The following PCDH9 variants were observed in gnomAD, a reference collection of about 807,000 sequenced individuals.
PCDH9 encodes the protein protocadherin-9.
In PCDH9, 24 loss-of-function variants were observed where a neutral mutation model predicts 70.6. The ratio of observed to expected loss-of-function variants is 0.34; its 90% CI spans 0.25 to 0.48. The LOEUF (loss-of-function observed/expected upper bound fraction) is 0.48. PCDH9 is among the 20% of genes least tolerant of loss of function. PCDH9 has a pLI of 0.99. For missense variants in PCDH9, 1,281 were observed against 1,503.6 expected, an observed-to-expected ratio of 0.85 and a Z score of 2.45; for synonymous variants, 562 against 558.5, an observed-to-expected ratio of 1.01 and a Z score of -0.09.
At chr13:66,684,304 A>G (rs1022406241) in intron 3 of PCDH9, among the ~76,000 whole-genome samples, 6 of 152,162 alleles carry the variant, frequency 3.9e-5, no homozygotes, top group African/African-American at 1.2e-4. Flanking sequence ...TCTGATCGCT[A>G]TAATCTTACT....
At chr13:66,988,309 C>T (rs189632096) in intron 2 of PCDH9, among the ~76,000 whole-genome samples, 65 of 152,144 alleles carry the variant, frequency 4.3e-4, no homozygotes, top group Admixed American at 1.5e-3. Flanking sequence ...TCTTTTAACA[C>T]GTAGTCTGAT....
At chr13:67,042,475 T>G (rs974207668) in intron 2 of PCDH9, among the ~76,000 whole-genome samples, 2 of 151,818 alleles carry the variant, frequency 1.3e-5, no homozygotes, top group African/African-American at 4.8e-5. Flanking sequence ...AAACTAGAAA[T>G]CAAGATCTCA....
chr13:67,144,604 A>T (rs137870943), intron 2 of PCDH9, among the ~76,000 whole-genome samples: 9 of 152,296 alleles, frequency 5.9e-5, no homozygotes, highest in African/African-American at 2.2e-4. Context: ...AATGTCAAGG[A>T]TCCTAAATCC....
At chr13:66,426,052 A>G (rs1178480857) in intron 4 of PCDH9, among the ~76,000 whole-genome samples, 1 of 151,702 alleles carries the variant, frequency 6.6e-6, no homozygotes, top group Non-Finnish European at 1.5e-5. Flanking sequence ...AGAAGCCGAT[A>G]GGTACTGATA....
chr13:67,198,053 C>G (rs1023175186), intron 2 of PCDH9, among the ~76,000 whole-genome samples: 1 of 151,056 alleles, frequency 6.6e-6, no homozygotes, highest in African/African-American at 2.4e-5. Flanking sequence ...CTAAAAATAG[C>G]AAATAGAATA....
intron 3 of PCDH9, among the ~76,000 whole-genome samples, chr13:66,836,100 G>A (rs1017468877): frequency 6.6e-6 from 1 of 152,098 alleles, no homozygotes; most frequent in Non-Finnish European, 1.5e-5. Context: ...AAATAAAAAT[G>A]AGAAAAACAT....
At chr13:66,950,936 C>G (rs2083169121) in intron 2 of PCDH9, among the ~76,000 whole-genome samples, 1 of 150,886 alleles carries the variant, frequency 6.6e-6, no homozygotes. Flanking sequence ...AATTTTCTAT[C>G]AGATACATTT....
At chr13:67,166,711 G>C (rs1442315328) in intron 2 of PCDH9, among the ~76,000 whole-genome samples, 1 of 152,104 alleles carries the variant, frequency 6.6e-6, no homozygotes, top group Non-Finnish European at 1.5e-5. Context: ...TACGGTGGTA[G>C]TAAGAGAAAT....
chr13:66,954,253 T>C (rs1458361779), intron 2 of PCDH9, among the ~76,000 whole-genome samples: 1 of 152,260 alleles, frequency 6.6e-6, no homozygotes, highest in African/African-American at 2.4e-5. Context: ...GTGTACCATA[T>C]GTATAAATAC....
chr13:67,186,521 T>C (rs1371189088), intron 2 of PCDH9, among the ~76,000 whole-genome samples: 1 of 152,188 alleles, frequency 6.6e-6, no homozygotes, highest in East Asian at 1.9e-4. Flanking sequence ...ACCCAGCTAA[T>C]GCAAATGCTT....
intron 2 of PCDH9, among the ~76,000 whole-genome samples, chr13:67,027,257 G>T (rs1050123275): frequency 2.0e-5 from 3 of 152,018 alleles, no homozygotes; most frequent in Non-Finnish European, 4.4e-5. Flanking sequence ...CAGAAATAAC[G>T]CCGCATATCC....
At chr13:67,131,220 T>C (rs1419776629) in intron 2 of PCDH9, among the ~76,000 whole-genome samples, 10 of 152,168 alleles carry the variant, frequency 6.6e-5, no homozygotes, top group Admixed American at 6.5e-4. Context: ...AATTGGACTT[T>C]TAGTCCCCAA....
intron 2 of PCDH9, among the ~76,000 whole-genome samples, chr13:66,930,628 AT>A (rs1478472954): frequency 1.3e-5 from 2 of 152,136 alleles, no homozygotes; most frequent in African/African-American, 4.8e-5. Flanking sequence ...TCTATTAATG[AT>A]CATGGTCATT....
At chr13:66,442,071 G>A (rs1188123284) in intron 4 of PCDH9, among the ~76,000 whole-genome samples, 1 of 152,092 alleles carries the variant, frequency 6.6e-6, no homozygotes, top group Non-Finnish European at 1.5e-5. Flanking sequence ...TACAGGTAAT[G>A]TTTCCAACTA....
intron 3 of PCDH9, among the ~76,000 whole-genome samples, chr13:66,843,579 A>T (rs909356440): frequency 6.6e-6 from 1 of 152,250 alleles, no homozygotes; most frequent in African/African-American, 2.4e-5. Flanking sequence ...GCCAAGGACA[A>T]GCAAGGCCCA....
At chr13:66,705,852 A>C (rs895517459) in intron 3 of PCDH9, among the ~76,000 whole-genome samples, 1 of 152,240 alleles carries the variant, frequency 6.6e-6, no homozygotes, top group African/African-American at 2.4e-5. Flanking sequence ...ACTTAATTTT[A>C]CGTATCATAA....
At chr13:66,322,884 G>A (rs548951999) in intron 4 of PCDH9, among the ~76,000 whole-genome samples, 1 of 152,092 alleles carries the variant, frequency 6.6e-6, no homozygotes, top group East Asian at 1.9e-4. Flanking sequence ...TACAAAAAAA[G>A]TATGTTGTGG....
intron 2 of PCDH9, among the ~76,000 whole-genome samples, chr13:66,937,581 A>G (rs2082937481): frequency 6.6e-6 from 1 of 152,208 alleles, no homozygotes; most frequent in Admixed American, 6.5e-5. Flanking sequence ...CCGTACTTCC[A>G]TATTTGAGTC....
chr13:67,170,045 C>T (rs2088236486), intron 2 of PCDH9, among the ~76,000 whole-genome samples: 1 of 152,076 alleles, frequency 6.6e-6, no homozygotes, highest in Non-Finnish European at 1.5e-5. Flanking sequence ...CAGATACCTG[C>T]TTATTTGCAG....
Sources: gnomAD v4.1 joint callset for allele counts (sites outside exome capture counted in the v4.1 genomes callset) on GRCh38, gnomAD v4.1.1 for gene constraint, MANE v1.5 for transcripts, NCBI Gene and HGNC (gene_info 2026-07-23, HGNC 2026-07-21) for gene names.